Variants in MSH3 observed in about 807,000 individuals in gnomAD.
MSH3 encodes mutS homolog 3.
In MSH3, 106 loss-of-function variants were observed where a neutral mutation model predicts 123.3. That is an observed-to-expected ratio of 0.86 (90% confidence interval 0.73 to 1.01). MSH3 has a LOEUF of 1.01. MSH3 is among the 50% of genes least tolerant of loss of function. The pLI, the probability that MSH3 is intolerant of heterozygous loss-of-function variation, is 0.00. For synonymous variants in MSH3, 515 were observed against 481.4 expected (o/e 1.07, Z -0.91); for missense variants, 1,459 against 1,347.6 (o/e 1.08, Z -1.29).
intron 17 of MSH3, among the ~76,000 whole-genome samples, chr5:80,783,054 A>G (rs968677645): frequency 3.3e-5 from 5 of 152,226 alleles, no homozygotes; most frequent in African/African-American, 9.6e-5. Flanking sequence ...ATTGAATTAT[A>G]TCATAAAAAA....
At chr5:80,716,611 A>G (rs952212114) in intron 8 of MSH3, among the ~76,000 whole-genome samples, 3 of 152,124 alleles carry the variant, frequency 2.0e-5, no homozygotes, top group Non-Finnish European at 2.9e-5. Flanking sequence ...TTCTTGATTC[A>G]TAATATTTAT....
At chr5:80,732,213 A>G (rs1307940503) in intron 10 of MSH3, among the ~76,000 whole-genome samples, 1 of 152,212 alleles carries the variant, frequency 6.6e-6, no homozygotes, top group Admixed American at 6.5e-5. Context: ...GCCTAAATTT[A>G]TGAAATTCAG....
At chr5:80,793,490 A>T (rs1744644422) in intron 19 of MSH3, among the ~76,000 whole-genome samples, 1 of 152,116 alleles carries the variant, frequency 6.6e-6, no homozygotes, top group Non-Finnish European at 1.5e-5. Context: ...TGGCCTGGGG[A>T]TAGGTAGCAG....
At chr5:80,727,008 A>G (rs1300143644) in intron 9 of MSH3, among the ~76,000 whole-genome samples, 2 of 152,202 alleles carry the variant, frequency 1.3e-5, no homozygotes, top group Admixed American at 6.5e-5. Context: ...GGAGACTCAC[A>G]TCAAGTGAGC....
chr5:80,822,869 C>T (rs142894174), intron 20 of MSH3, among the ~76,000 whole-genome samples: 49 of 152,282 alleles, frequency 3.2e-4, no homozygotes, highest in Non-Finnish European at 5.9e-4. Context: ...TATCTCATGA[C>T]TCAGGAACAG....
chr5:80,761,477 TAG>T (rs1744031604), intron 12 of MSH3, 67 bp from the exon 13 acceptor site: 14 of 1,576,654 alleles, frequency 8.9e-6, no homozygotes, highest in African/African-American at 1.3e-5. Context: ...TCCTGGGCAT[TAG>T]AGTGGGAAAT....
At chr5:80,748,675 T>C (rs543701577) in intron 12 of MSH3, among the ~76,000 whole-genome samples, 27 of 148,416 alleles carry the variant, frequency 1.8e-4, no homozygotes, top group African/African-American at 5.8e-4. Context: ...TGATATAGTC[T>C]TGTCAATTTT....
intron 8 of MSH3, among the ~76,000 whole-genome samples, chr5:80,701,898 C>T (rs1750617736): frequency 6.6e-6 from 1 of 152,090 alleles, no homozygotes; most frequent in South Asian, 2.1e-4. Flanking sequence ...TTTTTAACCT[C>T]TGGCCCAAGT....
chr5:80,705,471 A>G (rs956442544), intron 8 of MSH3, among the ~76,000 whole-genome samples: 1 of 152,234 alleles, frequency 6.6e-6, no homozygotes, highest in Non-Finnish European at 1.5e-5. Context: ...ATTGGCAAAT[A>G]CTACCACAGC....
intron 13 of MSH3, among the ~76,000 whole-genome samples, chr5:80,764,543 T>G (rs1744092874): frequency 7.0e-6 from 1 of 143,178 alleles, no homozygotes; most frequent in African/African-American, 2.6e-5. Flanking sequence ...TGCATTTTTT[T>G]GTAGAGACAA....
intron 19 of MSH3, among the ~76,000 whole-genome samples, chr5:80,793,465 T>G (rs1744644110): frequency 6.6e-6 from 1 of 152,110 alleles, no homozygotes; most frequent in South Asian, 2.1e-4. Flanking sequence ...CATGGCATGA[T>G]AGAGGAGACC....
intron 7 of MSH3, among the ~76,000 whole-genome samples, chr5:80,677,832 C>G (rs779656265): frequency 3.3e-5 from 5 of 152,182 alleles, no homozygotes; most frequent in Non-Finnish European, 5.9e-5. Flanking sequence ...CGCTGTAGTT[C>G]TCTCATTGCC....
At chr5:80,814,550 C>T (rs1487784600) in intron 20 of MSH3, among the ~76,000 whole-genome samples, 2 of 152,114 alleles carry the variant, frequency 1.3e-5, no homozygotes, top group Non-Finnish European at 1.5e-5. Flanking sequence ...GGATTATAGG[C>T]GTGAGCCACC....
chr5:80,746,224 G>A (rs1743717298), intron 12 of MSH3: 1 of 247,706 alleles, frequency 4.0e-6, no homozygotes, highest in South Asian at 4.5e-5. Flanking sequence ...CTGCTCATAC[G>A]ATTGATTTGC....
At chr5:80,784,811 T>G (rs1432208283) in intron 17 of MSH3, among the ~76,000 whole-genome samples, 9 of 152,230 alleles carry the variant, frequency 5.9e-5, no homozygotes, top group Non-Finnish European at 4.4e-5. Flanking sequence ...TTATTTGTTT[T>G]GATGAACTTT....
At chr5:80,849,698 C>A (rs919169767) in intron 20 of MSH3, among the ~76,000 whole-genome samples, 1 of 152,072 alleles carries the variant, frequency 6.6e-6, no homozygotes, top group African/African-American at 2.4e-5. Flanking sequence ...CTACACACAG[C>A]GGGGGTCTAC....
intron 22 of MSH3, among the ~76,000 whole-genome samples, chr5:80,867,087 G>A (rs2112121109): frequency 1.3e-5 from 2 of 152,266 alleles, no homozygotes; most frequent in Non-Finnish European, 2.9e-5. Context: ...AGCCTGCCTT[G>A]CTGGCATCCT....
At chr5:80,773,118 C>T (rs1744240251) in intron 15 of MSH3, among the ~76,000 whole-genome samples, 1 of 152,190 alleles carries the variant, frequency 6.6e-6, no homozygotes, top group South Asian at 2.1e-4. Flanking sequence ...CCAGTAACTC[C>T]TGTGGAGCTC....
intron 10 of MSH3, among the ~76,000 whole-genome samples, chr5:80,736,559 G>A (rs1190715437): frequency 6.6e-6 from 1 of 152,172 alleles, no homozygotes; most frequent in Non-Finnish European, 1.5e-5. Flanking sequence ...TGGAGTCTGG[G>A]ACCTTGAATT....
Sources: allele counts gnomAD v4.1 joint callset (sites outside exome capture counted in the v4.1 genomes callset), GRCh38; gene constraint gnomAD v4.1.1; transcripts MANE v1.5; gene names NCBI Gene and HGNC (gene_info 2026-07-23, HGNC 2026-07-21).